The following PRKAA2 variants were observed in gnomAD, a reference collection of about 807,000 sequenced individuals.
The protein encoded by PRKAA2 is protein kinase AMP-activated catalytic subunit alpha 2, also known as 5'-AMP-activated protein kinase catalytic subunit alpha-2.
Under a neutral mutation model 56.3 loss-of-function variants are expected in PRKAA2, and 40 were observed. The observed-to-expected ratio is 0.71, with a 90% CI of 0.55 to 0.92. The LOEUF (loss-of-function observed/expected upper bound fraction) is 0.92, where lower values mean the gene tolerates loss of function less well. Among genes scored for constraint, PRKAA2 ranks in the 40% least tolerant of loss-of-function variants. The pLI is 0.00. For synonymous variants in PRKAA2, 214 were observed against 234.2 expected, an observed-to-expected ratio of 0.91 and a Z score of 0.79; for missense variants, 542 against 686.9, an observed-to-expected ratio of 0.79 and a Z score of 2.36.
At chr1:56,677,941 G>A (rs1644125402) in intron 2 of PRKAA2, among the ~76,000 whole-genome samples, 1 of 152,170 alleles carries the variant, frequency 6.6e-6, no homozygotes, top group Non-Finnish European at 1.5e-5. Flanking sequence ...ACAGGCTTGA[G>A]CCACTGCGCC....
At chr1:56,705,383 G>GT (rs1644324443) in intron 7 of PRKAA2, among the ~76,000 whole-genome samples, 1 of 141,112 alleles carries the variant, frequency 7.1e-6, no homozygotes, top group South Asian at 2.5e-4. Context: ...AAGCAGTGTT[G>GT]TTTTTTTGTT....
intron 1 of PRKAA2, among the ~76,000 whole-genome samples, chr1:56,657,403 C>T (rs1042119128): frequency 2.0e-5 from 3 of 152,056 alleles, no homozygotes; most frequent in South Asian, 2.1e-4. Context: ...GTAAGCTGGG[C>T]GTGGTGGCTC....
chr1:56,667,571 AAG>A (rs774723110), intron 1 of PRKAA2, among the ~76,000 whole-genome samples: 150,051 of 152,230 alleles, frequency 0.99, 73,952 homozygotes, highest in East Asian at 1. Flanking sequence ...GGCTTTAGAA[AAG>A]GATAGATCTG....
At chr1:56,661,682 T>A in intron 1 of PRKAA2, among the ~76,000 whole-genome samples, 1 of 152,086 alleles carries the variant, frequency 6.6e-6, no homozygotes, top group South Asian at 2.1e-4. Context: ...AAACGTGAAT[T>A]TAAAACCATA....
intron 4 of PRKAA2, among the ~76,000 whole-genome samples, chr1:56,693,162 ATACCTTGTCTT>A (rs1268198895): frequency 6.6e-6 from 1 of 152,164 alleles, no homozygotes; most frequent in African/African-American, 2.4e-5. Flanking sequence ...TTTGTGGTCT[ATACCTTGTCTT>A]TAATCTAAAA....
At chr1:56,663,680 G>A (rs1335422808) in intron 1 of PRKAA2, among the ~76,000 whole-genome samples, 9 of 152,294 alleles carry the variant, frequency 5.9e-5, no homozygotes, top group African/African-American at 1.7e-4. Context: ...AAACTAAATC[G>A]ATTGACATGC....
intron 6 of PRKAA2, among the ~76,000 whole-genome samples, chr1:56,699,910 C>A (rs1448103922): frequency 2.6e-5 from 4 of 152,158 alleles, no homozygotes; most frequent in Admixed American, 6.5e-5. Flanking sequence ...TACTTTCCTA[C>A]TGTAGCATGT....
At chr1:56,667,796 C>A (rs760337270) in intron 1 of PRKAA2, among the ~76,000 whole-genome samples, 2 of 152,126 alleles carry the variant, frequency 1.3e-5, no homozygotes, top group Non-Finnish European at 2.9e-5. Flanking sequence ...CATTAAATAA[C>A]CCCTGCTACA....
rs752194777 is a variant in PRKAA2, at chr1:56,703,964, T to A, written c.789-7T>A. ...CTTACAATAATGTATTGTGGTGTTT[T>A]TCCTAGAGAGCATGAATGGTTTAAA... On this transcript the variant is annotated splice_polypyrimidine_tract_variant and splice_region_variant and intron_variant, in intron 6 of 8. Transcript: ENST00000371244. 1 of 1,592,708 alleles carries A rather than the reference T, an allele frequency of 6.3e-7. No individual in the cohort carries two copies. The highest frequency in any genetic ancestry group is 8.5e-7 in the Non-Finnish European group (1 of 1,169,794).
At chr1:56,661,401 G>T (rs572925019) in intron 1 of PRKAA2, among the ~76,000 whole-genome samples, 2 of 152,164 alleles carry the variant, frequency 1.3e-5, no homozygotes, top group South Asian at 2.1e-4. Context: ...ACTATCCATG[G>T]ATAGTTTCAC....
chr1:56,651,080 C>T (rs887217677), intron 1 of PRKAA2, among the ~76,000 whole-genome samples: 2 of 152,126 alleles, frequency 1.3e-5, no homozygotes, highest in African/African-American at 4.8e-5. Flanking sequence ...ACTCCCTGGG[C>T]CTTGTTTTCT....
intron 5 of PRKAA2, 45 bp from the exon 6 acceptor site, chr1:56,695,890 A>G (rs1644255770): frequency 6.5e-7 from 1 of 1,535,492 alleles, no homozygotes; most frequent in Non-Finnish European, 9.0e-7. Context: ...ATAGAGAAAA[A>G]GTGATTCTTG....
chr1:56,685,563 A>C (rs899084235), intron 2 of PRKAA2, among the ~76,000 whole-genome samples: 1 of 152,202 alleles, frequency 6.6e-6, no homozygotes, highest in Non-Finnish European at 1.5e-5. Flanking sequence ...CCAATGTGTC[A>C]GAAAAAGAGA....
chr1:56,703,974 G>A lies in PRKAA2; in HGVS notation c.792G>A (p.Glu264=), dbSNP rs1398950938. ...TGTATTGTGGTGTTTTTCCTAGAGA[G>A]CATGAATGGTTTAAACAAGATTTGC... ...LKRATIKDIR[E]HEWFKQDLPS... Residue 264 remains glutamate, a synonymous_variant, in exon 7 of 9, where the codon GAG becomes GAA. Coordinates refer to ENST00000371244, the MANE Select transcript of PRKAA2 (RefSeq NM_006252.4). The A allele has an allele frequency of 6.2e-7, 1 of 1,601,184 alleles. No individual in the cohort carries two copies. The highest frequency in any genetic ancestry group is 1.1e-5 in the South Asian group (1 of 87,954).
rs1644145392 is a variant in PRKAA2, at chr1:56,680,450, C to G, written c.236+5928C>G. On this transcript the variant is annotated intron_variant, in intron 2 of 8. Transcript: ENST00000371244. ...TGTATCCATGTGCCATGTTGGTGTG[C>G]TGCACCCATTAACTCGTCATTTACA... Among the ~76,000 whole-genome samples the G allele has an allele frequency of 2.0e-5, 3 of 152,000 alleles. No individual in the cohort carries two copies. In the South Asian group the frequency reaches 6.2e-4, roughly 31 times the overall value.
chr1:56,692,441 A>G lies in PRKAA2; in HGVS notation c.414A>G (p.Arg138=). 3 of 1,614,158 alleles carry G rather than the reference A, an allele frequency of 1.9e-6. No homozygotes were observed. The highest frequency in any genetic ancestry group is 2.5e-6 in the Non-Finnish European group (3 of 1,180,002). Residue 138 remains arginine, a synonymous_variant, in exon 4 of 9, where the codon CGA becomes CGG. Coordinates refer to ENST00000371244, the MANE Select transcript of PRKAA2 (RefSeq NM_006252.4). ...DYCHRHMVVH[R]DLKPENVLLD... ...GTCATAGGCATATGGTTGTTCATCGAGACCTGAAACCAGAGAATGTCCTGT... is the reference window on the plus strand; with the variant it reads ...GTCATAGGCATATGGTTGTTCATCGGGACCTGAAACCAGAGAATGTCCTGT...
chr1:56,674,653 A>T (rs1478729621), intron 2 of PRKAA2, 131 bp downstream of exon 2: 2 of 739,650 alleles, frequency 2.7e-6, no homozygotes, highest in South Asian at 5.5e-5. Flanking sequence ...AGCAAGTGTT[A>T]ATTCATTTAA....
In PRKAA2 at chr1:56,710,152, G is replaced by A. The variant is rs1255372974; in HGVS notation, c.*2439G>A. 2 of 152,212 alleles carry A rather than the reference G, an allele frequency of 1.3e-5. No individual in the cohort carries two copies. Among genetic ancestry groups the A allele is most frequent in the Non-Finnish European group, 2.9e-5 (2 of 67,978 alleles). 9.4% of individuals were successfully genotyped at this position (152,212 alleles called of 1,614,324 possible). On this transcript the variant is annotated 3_prime_UTR_variant, in exon 9 of 9. Transcript: ENST00000371244. ...TAAACTCTGAATGTGATAGGTAGATGTGGGCTAAGAATAATTTCCTCCAGT... is the reference window on the plus strand; with the variant it reads ...TAAACTCTGAATGTGATAGGTAGATATGGGCTAAGAATAATTTCCTCCAGT...
intron 8 of PRKAA2, 80 bp downstream of exon 8, chr1:56,706,298 A>G (rs1191361610): frequency 4.6e-6 from 7 of 1,522,222 alleles, no homozygotes; most frequent in Non-Finnish European, 6.2e-6. Flanking sequence ...CATCTCGAAG[A>G]CATCCGGTGG....
Sources: gnomAD v4.1 joint callset for allele counts (sites outside exome capture counted in the v4.1 genomes callset) on GRCh38, gnomAD v4.1.1 for gene constraint, MANE v1.5 for transcripts, NCBI Gene and HGNC (gene_info 2026-07-23, HGNC 2026-07-21) for gene names.